PPFIA1: variants seen among roughly 807,000 people sequenced by gnomAD.
PPFIA1 encodes the protein PPFI scaffold protein A1, also known as liprin-alpha-1.
Under a neutral mutation model 149.9 loss-of-function variants are expected in PPFIA1, and 25 were observed. The observed-to-expected ratio is 0.17, with a 90% CI of 0.12 to 0.23. The LOEUF (loss-of-function observed/expected upper bound fraction) is 0.23. Among genes scored for constraint, PPFIA1 ranks in the 10% least tolerant of loss-of-function variants. The pLI is 1.00. For missense variants in PPFIA1, 1,362 were observed against 1,506.5 expected (o/e 0.90, Z 1.59); for synonymous variants, 549 against 552.8 (o/e 0.99, Z 0.10).
intron 26 of PPFIA1, chr11:70,378,579 C>A: frequency 2.2e-6 from 1 of 454,432 alleles, no homozygotes; most frequent in Non-Finnish European, 2.9e-6. Flanking sequence ...TTACTGCTCT[C>A]CACACCAGAG....
chr11:70,343,010 C>G (rs150993617), intron 14 of PPFIA1, among the ~76,000 whole-genome samples: 1 of 131,832 alleles, frequency 7.6e-6, no homozygotes, highest in Admixed American at 8.9e-5. Context: ...TGCAGTGGCG[C>G]GACCTGGACT....
intron 2 of PPFIA1, among the ~76,000 whole-genome samples, chr11:70,286,235 A>G (rs1025394120): frequency 1.3e-5 from 2 of 152,004 alleles, no homozygotes; most frequent in African/African-American, 4.8e-5. Flanking sequence ...GTAGTTTTCT[A>G]CGTAGTCAGG....
intron 20 of PPFIA1, 22 bp downstream of exon 20, chr11:70,362,198 C>T (rs1452606973): frequency 1.9e-6 from 3 of 1,613,338 alleles, no homozygotes; most frequent in East Asian, 4.5e-5. Flanking sequence ...ATTTAACATG[C>T]AGTTGCGTGG....
intron 2 of PPFIA1, among the ~76,000 whole-genome samples, chr11:70,312,872 C>T (rs1424074021): frequency 6.6e-6 from 1 of 152,064 alleles, no homozygotes; most frequent in African/African-American, 2.4e-5. Context: ...GACATGCAGC[C>T]GGGAAGTGAG....
At chr11:70,317,807 GAA>G (rs1244376583) in intron 2 of PPFIA1, among the ~76,000 whole-genome samples, 1 of 152,168 alleles carries the variant, frequency 6.6e-6, no homozygotes, top group Non-Finnish European at 1.5e-5. Flanking sequence ...TCCGAGTTGT[GAA>G]GTGCTCTTCC....
At chr11:70,310,661 G>A (rs1268186224) in intron 2 of PPFIA1, among the ~76,000 whole-genome samples, 1 of 152,156 alleles carries the variant, frequency 6.6e-6, no homozygotes, top group Non-Finnish European at 1.5e-5. Context: ...TGGGATTACA[G>A]GCGTGAGCCA....
intron 26 of PPFIA1, among the ~76,000 whole-genome samples, chr11:70,380,101 T>A (rs940533054): frequency 4.6e-5 from 7 of 152,070 alleles, no homozygotes; most frequent in Non-Finnish European, 1.5e-5. Context: ...AGAATGAGAG[T>A]TTGGATGGAT....
chr11:70,377,764 A>T (rs1051721794), intron 25 of PPFIA1, among the ~76,000 whole-genome samples: 4 of 152,238 alleles, frequency 2.6e-5, no homozygotes, highest in Non-Finnish European at 5.9e-5. Flanking sequence ...GAAGTAGAAC[A>T]TGATGCTGTG....
At chr11:70,371,111 G>A (rs1355916600) in intron 21 of PPFIA1, among the ~76,000 whole-genome samples, 2 of 152,184 alleles carry the variant, frequency 1.3e-5, no homozygotes, top group South Asian at 2.1e-4. Flanking sequence ...CAGCCTGGGC[G>A]ACAGAGGGAG....
intron 2 of PPFIA1, among the ~76,000 whole-genome samples, chr11:70,292,381 GC>G (rs1203494549): frequency 6.6e-6 from 1 of 152,214 alleles, no homozygotes; most frequent in African/African-American, 2.4e-5. Flanking sequence ...ACATTGGAGC[GC>G]GGGCTGGGTG....
chr11:70,350,218 A>ATGTAGGATTTGT (rs2055972556), intron 16 of PPFIA1, among the ~76,000 whole-genome samples: 1 of 152,152 alleles, frequency 6.6e-6, no homozygotes, highest in Non-Finnish European at 1.5e-5. Context: ...GAGTTTTTTT[A>ATGTAGGATTTGT]CTCAAATTAT....
intron 2 of PPFIA1, 114 bp downstream of exon 2, chr11:70,272,550 G>A (rs2050153889): frequency 8.0e-7 from 1 of 1,257,094 alleles, no homozygotes; most frequent in Admixed American, 2.4e-5. Flanking sequence ...TTTGTGAAAT[G>A]ATAGTTTCTG....
chr11:70,357,617 C>T (rs12271794), intron 19 of PPFIA1, among the ~76,000 whole-genome samples: 6,330 of 148,176 alleles, frequency 0.043, 495 homozygotes, highest in African/African-American at 0.15. Context: ...GATGGAGTCT[C>T]GCTCTGTCAC....
At chr11:70,378,400 G>T in intron 26 of PPFIA1, 1 of 1,289,606 alleles carries the variant, frequency 7.8e-7, no homozygotes. Flanking sequence ...TTTAAAACAC[G>T]CTTGTCTGGT....
intron 2 of PPFIA1, among the ~76,000 whole-genome samples, chr11:70,283,242 A>G (rs537859761): frequency 6.6e-6 from 1 of 150,796 alleles, no homozygotes; most frequent in East Asian, 2.0e-4. Flanking sequence ...TGGAGATTTT[A>G]TTTTAAACTG....
chr11:70,274,877 C>T (rs1037912708), intron 2 of PPFIA1, among the ~76,000 whole-genome samples: 11 of 152,264 alleles, frequency 7.2e-5, no homozygotes, highest in Admixed American at 6.5e-4. Context: ...CATCACCACC[C>T]TCCGCTAATT....
intron 6 of PPFIA1, 96 bp from the exon 7 acceptor site, chr11:70,326,501 A>G: frequency 5.4e-6 from 7 of 1,294,624 alleles, no homozygotes; most frequent in African/African-American, 1.5e-5. Context: ...AACAGATTGC[A>G]TAAGTCAGTT....
chr11:70,295,836 C>T (rs2136272465), intron 2 of PPFIA1, among the ~76,000 whole-genome samples: 1 of 152,054 alleles, frequency 6.6e-6, no homozygotes, highest in Middle Eastern at 3.4e-3. Context: ...ACGCTCCTCA[C>T]TTCCCAGACG....
chr11:70,293,469 A>G (rs1591082170), intron 2 of PPFIA1, among the ~76,000 whole-genome samples: 1 of 152,208 alleles, frequency 6.6e-6, no homozygotes, highest in African/African-American at 2.4e-5. Context: ...CACTGGAACA[A>G]TAGAGAAGCA....
Sources: gnomAD v4.1 joint callset for allele counts (sites outside exome capture counted in the v4.1 genomes callset) on GRCh38, gnomAD v4.1.1 for gene constraint, MANE v1.5 for transcripts, NCBI Gene and HGNC (gene_info 2026-07-23, HGNC 2026-07-21) for gene names.